Variants in ANO2 observed in about 807,000 individuals in gnomAD.
ANO2 encodes the protein anoctamin-2.
ANO2 carries 101 observed loss-of-function variants against 124.2 expected under a neutral mutation model. That is an observed-to-expected ratio of 0.81 (90% CI 0.69 to 0.96). ANO2 has a LOEUF of 0.96. ANO2 is among the 40% of genes least tolerant of loss of function. ANO2 has a pLI of 0.00. For synonymous variants in ANO2, 486 were observed against 482.5 expected (o/e 1.01, Z -0.09); for missense variants, 1,293 against 1,274.5 (o/e 1.01, Z -0.22).
intron 10 of ANO2, among the ~76,000 whole-genome samples, chr12:5,784,928 T>C (rs1952498698): frequency 6.6e-6 from 1 of 152,172 alleles, no homozygotes. Context: ...AACTCACCAG[T>C]TGTTTATGTT....
intron 14 of ANO2, among the ~76,000 whole-genome samples, chr12:5,694,105 A>G (rs1422146030): frequency 6.6e-6 from 1 of 152,050 alleles, no homozygotes; most frequent in African/African-American, 2.4e-5. Context: ...CCATCAACAT[A>G]GCAAAACTAG....
At chr12:5,923,074 GCACACATACACACACA>G (rs1941809086) in intron 1 of ANO2, among the ~76,000 whole-genome samples, 2 of 33,892 alleles carry the variant, frequency 5.9e-5, no homozygotes, top group African/African-American at 1.6e-4. Flanking sequence ...ACACACACAT[GCACACATACACACACA>G]CACGCACACA....
chr12:5,858,846 G>C (rs1230007313), intron 3 of ANO2: 1 of 152,250 alleles, frequency 6.6e-6, no homozygotes, highest in African/African-American at 2.4e-5. Flanking sequence ...ACACACAGCA[G>C]GTCCTTGCTG....
intron 4 of ANO2, among the ~76,000 whole-genome samples, chr12:5,843,171 A>T (rs548257381): frequency 6.6e-6 from 1 of 152,356 alleles, no homozygotes; most frequent in East Asian, 1.9e-4. Context: ...AATAATAACA[A>T]GAATCTGTCC....
intron 20 of ANO2, among the ~76,000 whole-genome samples, chr12:5,588,947 G>A (rs188367708): frequency 1.3e-5 from 2 of 152,300 alleles, no homozygotes. Context: ...CTGCACCCGA[G>A]TCTCACCTGA....
intron 14 of ANO2, among the ~76,000 whole-genome samples, chr12:5,719,155 A>G (rs1950128330): frequency 6.6e-6 from 1 of 152,298 alleles, no homozygotes; most frequent in African/African-American, 2.4e-5. Context: ...AATTCCCTAA[A>G]AGCTTACCAG....
chr12:5,615,157 C>T (rs751880130), intron 17 of ANO2, 29 bp downstream of exon 17: 5 of 1,590,994 alleles, frequency 3.1e-6, no homozygotes, highest in African/African-American at 1.3e-5. Flanking sequence ...GGCAAATTGC[C>T]TTTCTACACA....
intron 16 of ANO2, among the ~76,000 whole-genome samples, chr12:5,634,817 G>A (rs1945920199): frequency 6.6e-6 from 1 of 152,196 alleles, no homozygotes; most frequent in South Asian, 2.1e-4. Context: ...TTTTTAACAG[G>A]AAGTCTTGAG....
At position 5,871,257 on chromosome 12, in the gene ANO2, G is replaced by A. The variant is rs142301603; in HGVS notation, c.535-17116C>T. ...TAAATCGGACACATAGGCCCAAGCA[G>A]AATCCCTCCTGGGGATATTTATATT... is the stretch of plus-strand genomic sequence containing the variant. On this transcript the variant is annotated intron_variant, in intron 3 of 24. Transcript: ENST00000682330. Among the ~76,000 whole-genome samples, 5 of 152,250 alleles carry A rather than the reference G, an allele frequency of 3.3e-5. No homozygotes were observed. In the East Asian group the frequency reaches 9.7e-4, roughly 29 times the overall value.
Position 5,635,338 on chromosome 12 carries a change from T to C in ANO2, c.1630A>G (p.Thr544Ala), listed in dbSNP as rs1236920098. 2 of 1,567,966 alleles carry C rather than the reference T, an allele frequency of 1.3e-6. No homozygotes were observed. The highest frequency in any genetic ancestry group is 2.0e-5 in the Admixed American group (1 of 49,754). ...ATCACCCCAAAGACGATTGAGAATG[T>C]CAGGGCAATCTGTTTGGGAAAACAG... The part of the protein sequence containing the change: ...FASILFMIAL[T>A]FSIVFGVIVY... The change falls in exon 16 of 25, where the codon ACA (threonine) becomes GCA (alanine). Residue 544 changes from threonine to alanine, a missense_variant. Thr to Ala is a moderately conservative substitution (Grantham distance 58). Coordinates refer to ENST00000682330, the MANE Select transcript of ANO2 (RefSeq NM_001364791.2). The surrounding 1 kb of genome is among the most constrained non-coding windows in gnomAD (Gnocchi z 5.2).
At chr12:5,915,328 T>A (rs921314673) in intron 3 of ANO2, among the ~76,000 whole-genome samples, 3 of 152,210 alleles carry the variant, frequency 2.0e-5, no homozygotes, top group African/African-American at 7.2e-5. Context: ...AATATGAACA[T>A]GGACAATATC....
At chr12:5,598,879 A>C (rs1455820118) in intron 20 of ANO2, among the ~76,000 whole-genome samples, 4 of 152,172 alleles carry the variant, frequency 2.6e-5, no homozygotes, top group Non-Finnish European at 5.9e-5. Context: ...CCTGTACTAC[A>C]TGTGCTCCTG....
intron 15 of ANO2, among the ~76,000 whole-genome samples, chr12:5,638,262 G>A (rs1946136608): frequency 2.2e-5 from 2 of 89,832 alleles, no homozygotes; most frequent in South Asian, 3.6e-4. Context: ...TTGAGACGGA[G>A]TCTCACTCCG....
intron 12 of ANO2, chr12:5,739,837 G>A: frequency 2.2e-6 from 1 of 455,872 alleles, no homozygotes; most frequent in South Asian, 1.6e-5. Context: ...TCTGTCCCCA[G>A]CGCCACTTGC....
At chr12:5,817,881 GC>G (rs1953660305) in intron 7 of ANO2, among the ~76,000 whole-genome samples, 2 of 152,142 alleles carry the variant, frequency 1.3e-5, no homozygotes, top group African/African-American at 4.8e-5. Context: ...GAACTTGGAA[GC>G]TGACAACATC....
chr12:5,854,021 C>G (rs779981164), intron 4 of ANO2, 22 bp downstream of exon 4: 2 of 1,607,462 alleles, frequency 1.2e-6, no homozygotes, highest in Non-Finnish European at 1.7e-6. Flanking sequence ...AGGCCCAGAA[C>G]CCAGGAGAAA....
intron 14 of ANO2, among the ~76,000 whole-genome samples, chr12:5,666,062 G>A (rs1000900177): frequency 6.6e-6 from 1 of 152,130 alleles, no homozygotes; most frequent in Non-Finnish European, 1.5e-5. Context: ...GCAGGCCCTG[G>A]ACAAAGGGTA....
intron 4 of ANO2, among the ~76,000 whole-genome samples, chr12:5,837,495 A>T (rs1297846344): frequency 1.0e-5 from 1 of 98,110 alleles, no homozygotes; most frequent in African/African-American, 4.1e-5. Flanking sequence ...ACCCCACAAC[A>T]GTCCCCAGAG....
chr12:5,922,399 C>T (rs1350075443), intron 2 of ANO2, among the ~76,000 whole-genome samples: 9 of 152,214 alleles, frequency 5.9e-5, no homozygotes, highest in African/African-American at 2.2e-4. Flanking sequence ...ACTGGCCTCC[C>T]ACGCCTCCTC....
Sources: allele counts gnomAD v4.1 joint callset (sites outside exome capture counted in the v4.1 genomes callset), GRCh38; gene constraint gnomAD v4.1.1; non-coding constraint Gnocchi (gnomAD v3.1); transcripts MANE v1.5; gene names NCBI Gene and HGNC (gene_info 2026-07-23, HGNC 2026-07-21).